The following ASTN1 variants were observed in gnomAD, a reference collection of about 807,000 sequenced individuals.
ASTN1 encodes astrotactin-1.
A neutral mutation model predicts 140.7 loss-of-function variants in ASTN1; 41 were observed. The observed-to-expected ratio is 0.29, with a 90% confidence interval of 0.23 to 0.38. The LOEUF is 0.38. ASTN1 is among the 10% of genes least tolerant of loss of function. The probability of loss-of-function intolerance (pLI) is 1.00; values close to 1 mark genes in which losing one functional copy is unlikely to be tolerated. For missense variants in ASTN1, 1,479 were observed against 1,678.8 expected (o/e 0.88, Z 2.08); for synonymous variants, 640 against 652.2 (o/e 0.98, Z 0.29).
At chr1:176,988,388 G>C (rs1436955785) in intron 8 of ASTN1, among the ~76,000 whole-genome samples, 1 of 150,798 alleles carries the variant, frequency 6.6e-6, no homozygotes, top group Non-Finnish European at 1.5e-5. Context: ...GTTTTATTAT[G>C]AGAAAAGCTG....
chr1:177,016,049 G>C (rs1196784526), intron 7 of ASTN1, among the ~76,000 whole-genome samples: 3 of 152,138 alleles, frequency 2.0e-5, no homozygotes, highest in Non-Finnish European at 4.4e-5. Flanking sequence ...GATATAAATA[G>C]AATAATAGCT....
chr1:177,034,717 CT>C (rs1418772646), intron 2 of ASTN1, among the ~76,000 whole-genome samples: 1 of 152,124 alleles, frequency 6.6e-6, no homozygotes, highest in Non-Finnish European at 1.5e-5. Flanking sequence ...GAACCTGTAT[CT>C]CAGAGTCAGT....
intron 11 of ASTN1, among the ~76,000 whole-genome samples, chr1:176,949,865 T>G (rs1292644402): frequency 6.6e-6 from 1 of 152,140 alleles, no homozygotes. Flanking sequence ...AAGGAGGAAG[T>G]GAACATTCCC....
intron 9 of ASTN1, among the ~76,000 whole-genome samples, chr1:176,961,309 A>G (rs896512537): frequency 3.3e-5 from 5 of 152,108 alleles, no homozygotes; most frequent in African/African-American, 1.2e-4. Context: ...ATTGTGAGAA[A>G]CCTCCTATGT....
intron 1 of ASTN1, among the ~76,000 whole-genome samples, chr1:177,071,730 TA>T (rs1238924169): frequency 6.6e-6 from 1 of 152,220 alleles, no homozygotes; most frequent in Non-Finnish European, 1.5e-5. Flanking sequence ...CTTCTCACTC[TA>T]AACCTTTCTG....
At chr1:177,103,443 G>A (rs1242091827) in intron 1 of ASTN1, among the ~76,000 whole-genome samples, 6 of 152,080 alleles carry the variant, frequency 3.9e-5, no homozygotes, top group African/African-American at 7.2e-5. Flanking sequence ...GGCACTGGGC[G>A]AATTGACTGA....
chr1:177,023,117 T>C lies in ASTN1; in HGVS notation c.1438+287A>G, dbSNP rs548125137. On this transcript the variant is annotated intron_variant, in intron 7 of 22. Transcript: ENST00000361833. Reference sequence around the variant, plus strand: ...CATCATAAAATGTCTAGCCCCAGTATTTAAATATCCCCTGACTATGGGATA... The same window carrying C: ...CATCATAAAATGTCTAGCCCCAGTACTTAAATATCCCCTGACTATGGGATA... 1.1e-4 allele frequency among the ~76,000 whole-genome samples: 16 copies of C among 152,356 alleles called. No individual in the cohort carries two copies. In the East Asian group the frequency reaches 3.1e-3, roughly 29 times the overall value.
At chr1:177,126,826 C>T (rs1195694225) in intron 1 of ASTN1, among the ~76,000 whole-genome samples, 1 of 152,204 alleles carries the variant, frequency 6.6e-6, no homozygotes, top group East Asian at 1.9e-4. Flanking sequence ...ATGCCTCAAG[C>T]CCTGTTTTCT....
At chr1:176,942,705 C>T (rs1671770281) in intron 14 of ASTN1, among the ~76,000 whole-genome samples, 2 of 150,498 alleles carry the variant, frequency 1.3e-5, no homozygotes, top group Admixed American at 6.6e-5. Context: ...AGAATGCAAC[C>T]ATTTGTTTCT....
intron 8 of ASTN1, among the ~76,000 whole-genome samples, chr1:177,006,070 G>T (rs1331031650): frequency 6.6e-6 from 1 of 152,090 alleles, no homozygotes; most frequent in Non-Finnish European, 1.5e-5. Context: ...TATATTAAAG[G>T]AGTTTCACCT....
At chr1:176,996,293 A>T (rs59130836) in intron 8 of ASTN1, among the ~76,000 whole-genome samples, 1 of 141,948 alleles carries the variant, frequency 7.0e-6, no homozygotes, top group Admixed American at 7.0e-5. Context: ...TCTCTCTCAC[A>T]CACACACACA....
intron 1 of ASTN1, among the ~76,000 whole-genome samples, chr1:177,124,094 T>A (rs753484310): frequency 7.2e-5 from 11 of 152,176 alleles, no homozygotes; most frequent in Non-Finnish European, 1.0e-4. Context: ...GCTTGACTCT[T>A]GCTTCCAGGT....
intron 1 of ASTN1, among the ~76,000 whole-genome samples, chr1:177,153,164 G>A (rs1213746069): frequency 6.6e-6 from 1 of 152,086 alleles, no homozygotes; most frequent in Non-Finnish European, 1.5e-5. Flanking sequence ...TGCCTTCCTT[G>A]GAGGTAAGTG....
chr1:176,874,143 G>A (rs1396204743), intron 21 of ASTN1, among the ~76,000 whole-genome samples: 1 of 152,150 alleles, frequency 6.6e-6, no homozygotes, highest in Non-Finnish European at 1.5e-5. Flanking sequence ...GAATAGCAGA[G>A]GCACCTTCTC....
At chr1:176,893,221 G>A (rs925853242) in intron 17 of ASTN1, among the ~76,000 whole-genome samples, 11 of 152,124 alleles carry the variant, frequency 7.2e-5, no homozygotes, top group Non-Finnish European at 1.5e-4. Flanking sequence ...ACTGCTCCCA[G>A]GCAAGTGGCC....
At chr1:177,055,062 G>A (rs1204815946) in intron 2 of ASTN1, among the ~76,000 whole-genome samples, 1 of 152,140 alleles carries the variant, frequency 6.6e-6, no homozygotes, top group East Asian at 1.9e-4. Context: ...AGGCCTCAGT[G>A]GATCTTCATT....
At chr1:177,033,399 ACCCAGGGTGG>A (rs1676554158) in intron 2 of ASTN1, among the ~76,000 whole-genome samples, 1 of 152,130 alleles carries the variant, frequency 6.6e-6, no homozygotes, top group Non-Finnish European at 1.5e-5. Context: ...CCACTTAACC[ACCCAGGGTGG>A]TTGTAAGAAT....
intron 1 of ASTN1, among the ~76,000 whole-genome samples, chr1:177,114,167 G>C (rs955353084): frequency 2.2e-4 from 33 of 152,080 alleles, no homozygotes; most frequent in African/African-American, 8.0e-4. Context: ...TTACTAACTG[G>C]GTGGGCACCA....
At chr1:177,070,833 G>A (rs1039754818) in intron 1 of ASTN1, among the ~76,000 whole-genome samples, 5 of 152,086 alleles carry the variant, frequency 3.3e-5, no homozygotes, top group Middle Eastern at 3.2e-3. Context: ...CTATCTCAAC[G>A]TTCATTCCCT....
Sources: gnomAD v4.1 joint callset for allele counts (sites outside exome capture counted in the v4.1 genomes callset) on GRCh38, gnomAD v4.1.1 for gene constraint, MANE v1.5 for transcripts, NCBI Gene and HGNC (gene_info 2026-07-23, HGNC 2026-07-21) for gene names.